NOD2: variants seen among roughly 807,000 people sequenced by gnomAD.
NOD2 encodes nucleotide-binding oligomerization domain-containing protein 2.
Under a neutral mutation model 90.9 loss-of-function variants are expected in NOD2, and 86 were observed. The ratio of observed to expected loss-of-function variants is 0.95; its 90% CI spans 0.79 to 1.13. The LOEUF (loss-of-function observed/expected upper bound fraction) is 1.13, where lower values mean the gene tolerates loss of function less well. Among genes scored for constraint, NOD2 ranks in the 50% most tolerant of loss-of-function variants. The pLI is 0.00. For missense variants in NOD2, 1,238 were observed against 1,283.8 expected (o/e 0.96, Z 0.55); for synonymous variants, 581 against 554.6 (o/e 1.05, Z -0.67).
At position 50,699,535 on chromosome 16, in the gene NOD2, C is replaced by A. The variant is rs761191478; in HGVS notation, c.40C>A (p.Leu14Met). The change falls in exon 2 of 12, where the codon CTG becomes ATG. Residue 14 changes from leucine to methionine, a missense_variant. Coordinates refer to ENST00000647318, the MANE Select transcript of NOD2 (RefSeq NM_001370466.1). Reference sequence around the variant, plus strand: ...GGCTTTTCAGGCACAGAGGAGCCAGCTGGTCGAGCTGCTGGTCTCAGGGTC... The same window carrying A: ...GGCTTTTCAGGCACAGAGGAGCCAGATGGTCGAGCTGCTGGTCTCAGGGTC... ...QEAFQAQRSQ[L>M]VELLVSGSLE... 1 of 1,613,922 alleles carries A rather than the reference C, an allele frequency of 6.2e-7. No homozygotes were observed. Among genetic ancestry groups the A allele is most frequent in the Non-Finnish European group, 8.5e-7 (1 of 1,179,988 alleles).
chr16:50,709,962 A>G (rs1964383537), intron 3 of NOD2: 1 of 455,974 alleles, frequency 2.2e-6, no homozygotes, highest in Non-Finnish European at 4.4e-6. Flanking sequence ...ACTGAGGCCC[A>G]GAAAGGCTAA....
intron 2 of NOD2, among the ~76,000 whole-genome samples, chr16:50,702,557 A>C (rs1348844596): frequency 1.3e-5 from 2 of 152,184 alleles, no homozygotes; most frequent in Non-Finnish European, 2.9e-5. Flanking sequence ...TTAATTTCCT[A>C]TAAAGAAGTA....
At chr16:50,726,395 G>C (rs2150838128) in intron 10 of NOD2, among the ~76,000 whole-genome samples, 1 of 152,362 alleles carries the variant, frequency 6.6e-6, no homozygotes, top group South Asian at 2.1e-4. Context: ...GTGAGTGCCA[G>C]CTTTGCTGCC....
intron 3 of NOD2, among the ~76,000 whole-genome samples, chr16:50,708,200 A>T (rs1280065142): frequency 6.6e-6 from 1 of 152,214 alleles, no homozygotes; most frequent in Non-Finnish European, 1.5e-5. Flanking sequence ...GTATACTGAC[A>T]ATTGGGCTAC....
chr16:50,720,688 T>C (rs1043835146), intron 7 of NOD2, among the ~76,000 whole-genome samples: 1 of 152,214 alleles, frequency 6.6e-6, no homozygotes, highest in Non-Finnish European at 1.5e-5. Flanking sequence ...TGGAGTCCAT[T>C]TGACAAGAAC....
chr16:50,711,570 G>C lies in NOD2; in HGVS notation c.1578G>C (p.Leu526=). ...RLPTLLHLGR[L]ALWGLGMCCY... is the part of the protein sequence containing the mutation. Reference sequence around the variant, plus strand: ...CCACCCTCCTGCACCTGGGCAGACTGGCTCTGTGGGGCCTGGGCATGTGCT... The same window carrying C: ...CCACCCTCCTGCACCTGGGCAGACTCGCTCTGTGGGGCCTGGGCATGTGCT... The change falls in exon 4 of 12, where the codon CTG becomes CTC. Residue 526 remains leucine (L), a synonymous_variant. Coordinates refer to ENST00000647318, the MANE Select transcript of NOD2 (RefSeq NM_001370466.1). 1 of 1,612,082 alleles carries C rather than the reference G, an allele frequency of 6.2e-7. No homozygotes were observed. Among genetic ancestry groups the C allele is most frequent in the African/African-American group, 1.3e-5 (1 of 75,064 alleles).
At chr16:50,700,096 T>A in intron 2 of NOD2, 142 bp downstream of exon 2, 1 of 742,534 alleles carries the variant, frequency 1.3e-6, no homozygotes, top group Non-Finnish European at 2.3e-6. Context: ...GCAGGTAAAA[T>A]TTGCTCTTGA....
chr16:50,719,617 C>A, intron 6 of NOD2: 1 of 496,062 alleles, frequency 2.0e-6, no homozygotes, highest in Non-Finnish European at 3.9e-6. Context: ...AAAGGTGTGA[C>A]CCTGAGTCAC....
At position 50,707,903 on chromosome 16, in the gene NOD2, G is replaced by A; in HGVS notation, c.508G>A (p.Ala170Thr). The A allele has an allele frequency of 8.7e-6, 14 of 1,614,120 alleles. No homozygotes were observed. The highest frequency in any genetic ancestry group is 1.2e-5 in the Non-Finnish European group (14 of 1,179,978). ...CACGGTGAAAGCGAATGGATTGGCTGCCTTCCTTCTACAACATGTTCAGGA... is the reference window on the plus strand; with the variant it reads ...CACGGTGAAAGCGAATGGATTGGCTACCTTCCTTCTACAACATGTTCAGGA... ...LATVKANGLA[A>T]FLLQHVQELP... The change falls in exon 3 of 12, where the codon GCC becomes ACC. Residue 170 changes from alanine (A) to threonine (T), a missense_variant. By Grantham distance (58) the Ala-to-Thr change is moderately conservative. Around this residue, in one of 3 missense-constraint regions of NOD2, gnomAD observed 567 missense variants for 577.3 expected, o/e 0.98. Coordinates refer to ENST00000647318, the MANE Select transcript of NOD2 (RefSeq NM_001370466.1).
chr16:50,729,434 C>T (rs1375374533), intron 10 of NOD2, among the ~76,000 whole-genome samples: 5 of 152,060 alleles, frequency 3.3e-5, no homozygotes, highest in African/African-American at 1.2e-4. Flanking sequence ...TTCTTATGCT[C>T]GATGGCACGG....
chr16:50,715,409 T>C (rs1255197108), intron 4 of NOD2, among the ~76,000 whole-genome samples: 2 of 145,574 alleles, frequency 1.4e-5, no homozygotes, highest in South Asian at 2.1e-4. Flanking sequence ...CTGATAATAC[T>C]ATTGTTCCCT....
chr16:50,715,362 G>A (rs1043130220), intron 4 of NOD2, among the ~76,000 whole-genome samples: 1 of 151,896 alleles, frequency 6.6e-6, no homozygotes, highest in Non-Finnish European at 1.5e-5. Flanking sequence ...CTGTGTACCG[G>A]GTGCTCACAA....
intron 6 of NOD2, chr16:50,719,664 T>C: frequency 1.6e-6 from 1 of 618,920 alleles, no homozygotes; most frequent in South Asian, 1.5e-5. Context: ...CCAGGACAGC[T>C]GCCTACTGTG....
At position 50,711,332 on chromosome 16, in the gene NOD2, A is replaced by G. The variant is rs367819045; in HGVS notation, c.1340A>G (p.Gln447Arg). The G allele has an allele frequency of 8.1e-5, 130 of 1,613,598 alleles. No individual in the cohort carries two copies. Among genetic ancestry groups the G allele is most frequent in the Non-Finnish European group, 1.0e-4 (119 of 1,180,044 alleles). ...GVADRLIRLLQETSALHGLCH... is the reference protein window; with the variant it reads ...GVADRLIRLLRETSALHGLCH... ...GCGGACCGCCTCATCCGCCTGCTCC[A>G]AGAGACCTCAGCCCTGCACGGTTTG... Residue 447 changes from glutamine to arginine, a missense_variant, in exon 4 of 12, where the codon CAA (glutamine) becomes CGA (arginine). Around this residue, in one of 3 missense-constraint regions of NOD2, gnomAD observed 567 missense variants for 577.3 expected, o/e 0.98. Transcript: ENST00000647318.
intron 3 of NOD2, among the ~76,000 whole-genome samples, chr16:50,708,770 G>A (rs13380733): frequency 0.21 from 32,609 of 152,172 alleles, 4,040 homozygotes; most frequent in Non-Finnish European, 0.29. Context: ...ATCACCCTGG[G>A]CTGTGTCCTC....
intron 10 of NOD2, among the ~76,000 whole-genome samples, chr16:50,729,304 A>T (rs996224865): frequency 2.0e-5 from 3 of 152,140 alleles, no homozygotes; most frequent in African/African-American, 7.2e-5. Flanking sequence ...TCTTCCCAGC[A>T]AGCAGAGTGT....
At position 50,711,496 on chromosome 16, in the gene NOD2, G is replaced by A; in HGVS notation, c.1504G>A (p.Asp502Asn). ...TTTTCTGCTGCATGCCACCCCCCCA[G>A]ACTCAGCTTCCCAAGGTCTGGGACC... Reference protein sequence around the residue: ...QHFLLHATPPDSASQGLGPSL... With the variant: ...QHFLLHATPPNSASQGLGPSL... Residue 502 changes from aspartate to asparagine, a missense_variant, in exon 4 of 12, where the codon GAC (aspartate) becomes AAC (asparagine). Asp to Asn is a conservative substitution (Grantham distance 23). Coordinates refer to ENST00000647318, the MANE Select transcript of NOD2 (RefSeq NM_001370466.1). The A allele has an allele frequency of 6.2e-7, 1 of 1,613,310 alleles. No individual in the cohort carries two copies. The highest frequency in any genetic ancestry group is 2.2e-5 in the East Asian group (1 of 44,878).
intron 10 of NOD2, 40 bp from the exon 11 acceptor site, chr16:50,729,778 C>A: frequency 6.4e-7 from 1 of 1,570,476 alleles, no homozygotes; most frequent in Non-Finnish European, 8.8e-7. Flanking sequence ...AGAGGAAAAC[C>A]AAGAATCCTT....
Position 50,712,293 on chromosome 16 carries a change from C to T in NOD2, c.2301C>T (p.Ala767=). ...TGCAGCACCTCCGGCGGCCCGTGGCCCTGCAGCTGGACTACAACTCTGTGG... is the reference window on the plus strand; with the variant it reads ...TGCAGCACCTCCGGCGGCCCGTGGCTCTGCAGCTGGACTACAACTCTGTGG... ...FVLQHLRRPV[A]LQLDYNSVGD... is the part of the protein sequence containing the mutation. Residue 767 remains alanine (A), a synonymous_variant, in exon 4 of 12, where the codon GCC becomes GCT. Coordinates refer to ENST00000647318, the MANE Select transcript of NOD2 (RefSeq NM_001370466.1). The T allele has an allele frequency of 6.2e-7, 1 of 1,614,072 alleles. No individual in the cohort carries two copies. The highest frequency in any genetic ancestry group is 8.5e-7 in the Non-Finnish European group (1 of 1,180,048).
Sources: allele counts gnomAD v4.1 joint callset (sites outside exome capture counted in the v4.1 genomes callset), GRCh38; gene constraint gnomAD v4.1.1; regional missense constraint gnomAD v4.1.1; transcripts MANE v1.5; gene names NCBI Gene and HGNC (gene_info 2026-07-23, HGNC 2026-07-21).